RPRD2: variants seen among roughly 807,000 people sequenced by gnomAD.
RPRD2 encodes the protein regulation of nuclear pre-mRNA domain-containing protein 2.
RPRD2 carries 12 observed loss-of-function variants against 104.4 expected under a neutral mutation model. The ratio of observed to expected loss-of-function variants is 0.11; its 90% CI spans 0.07 to 0.19. RPRD2 has a LOEUF of 0.19. Among genes scored for constraint, RPRD2 ranks in the 10% least tolerant of loss-of-function variants. The probability of loss-of-function intolerance (pLI) is 1.00; values close to 1 mark genes in which losing one functional copy is unlikely to be tolerated. For synonymous variants in RPRD2, 714 were observed against 684.9 expected (o/e 1.04, Z -0.66); for missense variants, 1,543 against 1,790.1 (o/e 0.86, Z 2.49).
At chr1:150,428,156 G>T (rs1383384667) in intron 2 of RPRD2, among the ~76,000 whole-genome samples, 1 of 151,966 alleles carries the variant, frequency 6.6e-6, no homozygotes, top group Non-Finnish European at 1.5e-5. Context: ...GCAAATTTTT[G>T]AATTTTTAGA....
In RPRD2 at chr1:150,471,282, C is replaced by T; in HGVS notation, c.2334C>T (p.Tyr778=). ...CACCCCCTGGGAGAGATGAAAGCTACCCCCGAGAGCTCTCCAATTCTGTAT... is the reference window on the plus strand; with the variant it reads ...CACCCCCTGGGAGAGATGAAAGCTATCCCCGAGAGCTCTCCAATTCTGTAT... ...RSPPPGRDES[Y]PRELSNSVST... The change falls in exon 11 of 11, where the codon TAC becomes TAT. Residue 778 remains tyrosine (Y), a synonymous_variant. Coordinates refer to ENST00000369068, the MANE Select transcript of RPRD2 (RefSeq NM_015203.5). The surrounding 1 kb of genome is among the most constrained non-coding windows in gnomAD (Gnocchi z 5.3). The T allele has an allele frequency of 6.2e-7, 1 of 1,613,822 alleles. No homozygotes were observed. The highest frequency in any genetic ancestry group is 8.5e-7 in the Non-Finnish European group (1 of 1,179,866).
chr1:150,464,379 TGTACATG>T, intron 9 of RPRD2, 141 bp from the exon 10 acceptor site: 4 of 453,360 alleles, frequency 8.8e-6, no homozygotes, highest in Admixed American at 4.2e-5. Flanking sequence ...TTTTTTTTTT[TGTACATG>T]TCATGTTATG....
At chr1:150,399,756 C>CAA (rs35551359) in intron 1 of RPRD2, among the ~76,000 whole-genome samples, 68 of 126,978 alleles carry the variant, frequency 5.4e-4, no homozygotes, top group East Asian at 3.2e-3. Flanking sequence ...GACCCCATCT[C>CAA]AAAAAAAAAA....
chr1:150,448,180 T>C lies in RPRD2; in HGVS notation c.870+1779T>C, dbSNP rs587728906. On this transcript the variant is annotated intron_variant, in intron 7 of 10. Coordinates refer to ENST00000369068, the MANE Select transcript of RPRD2 (RefSeq NM_015203.5). Reference sequence around the variant, plus strand: ...ATTTACTTTTTGTTGTTGTTGTCTTTTTTTTGAGATGGAGTCTCGCTTTGT... The same window carrying C: ...ATTTACTTTTTGTTGTTGTTGTCTTCTTTTTGAGATGGAGTCTCGCTTTGT... Among the ~76,000 whole-genome samples the C allele has an allele frequency of 3.5e-3, 534 of 152,316 alleles. 3 individuals carry two copies. The highest frequency in any genetic ancestry group is 5.0e-3 in the South Asian group (24 of 4,828).
Position 150,364,891 on chromosome 1 carries a change from C to G in RPRD2, c.177C>G (p.Val59=). ...ACAAAAAACACCACAGTACTATCGT[C>G]TATCATTGGATGAAGTGGCTCCGGA... The part of the protein sequence containing the change: ...IENKKHHSTI[V]YHWMKWLRRS... Residue 59 remains valine, a synonymous_variant, in exon 1 of 11, where the codon GTC becomes GTG. Coordinates refer to ENST00000369068, the MANE Select transcript of RPRD2 (RefSeq NM_015203.5). The G allele has an allele frequency of 6.2e-7, 1 of 1,613,978 alleles. No homozygotes were observed. The highest frequency in any genetic ancestry group is 1.1e-5 in the South Asian group (1 of 91,076).
chr1:150,465,841 C>T (rs1367373403), intron 10 of RPRD2, among the ~76,000 whole-genome samples: 1 of 147,244 alleles, frequency 6.8e-6, no homozygotes, highest in Non-Finnish European at 1.5e-5. Flanking sequence ...GGCAGATCAC[C>T]TAAGGTCAGC....
intron 2 of RPRD2, among the ~76,000 whole-genome samples, chr1:150,439,133 G>A (rs1277094031): frequency 1.3e-5 from 2 of 152,062 alleles, no homozygotes; most frequent in South Asian, 2.1e-4. Context: ...ACACCCGGCC[G>A]TATCTAAACA....
chr1:150,393,744 C>A (rs1320350561), intron 1 of RPRD2, among the ~76,000 whole-genome samples: 1 of 151,950 alleles, frequency 6.6e-6, no homozygotes, highest in Non-Finnish European at 1.5e-5. Flanking sequence ...AAATGTTTAA[C>A]CTGAACCTAC....
In RPRD2 at chr1:150,470,638, T is replaced by G; in HGVS notation, c.1690T>G (p.Ser564Ala). The G allele has an allele frequency of 6.2e-7, 1 of 1,613,958 alleles. No homozygotes were observed. The change falls in exon 11 of 11, where the codon TCC becomes GCC. Residue 564 changes from serine to alanine, a missense_variant. This residue lies in a region of RPRD2 where 572 missense variants were observed against 787.3 expected (regional missense o/e 0.73). Transcript: ENST00000369068. ...SEAASQSTSA[S>A]PANTTVSTIK... ...AGCTGCCTCACAGAGCACTTCAGCC[T>G]CCCCTGCCAACACCACAGTCTCTAC... is the stretch of plus-strand genomic sequence containing the variant.
chr1:150,432,905 AG>A, intron 2 of RPRD2, among the ~76,000 whole-genome samples: 1 of 151,968 alleles, frequency 6.6e-6, no homozygotes, highest in Non-Finnish European at 1.5e-5. Flanking sequence ...TAAGCCTGGG[AG>A]ATTAAGGCTG....
chr1:150,372,485 A>G (rs72696844), intron 1 of RPRD2, among the ~76,000 whole-genome samples: 33,407 of 147,804 alleles, frequency 0.23, 4,150 homozygotes, highest in African/African-American at 0.32. Flanking sequence ...GTCTGAAAAA[A>G]GAAACACACA....
intron 7 of RPRD2, 123 bp downstream of exon 7, chr1:150,446,524 C>T (rs1666782489): frequency 1.2e-6 from 1 of 863,472 alleles, no homozygotes; most frequent in Non-Finnish European, 1.7e-6. Flanking sequence ...GATGAAATTA[C>T]TTTTGGGATA....
In RPRD2 at chr1:150,476,414, G is replaced by A. The variant is rs1299336872; in HGVS notation, c.*3080G>A. The A allele has an allele frequency of 6.6e-6, 1 of 152,036 alleles. No homozygotes were observed. The highest frequency in any genetic ancestry group is 6.6e-5 in the Admixed American group (1 of 15,266). The allele number at this position is 152,036 out of a possible 1,614,324, so 9.4% of individuals were successfully genotyped here. A position where few individuals can be genotyped will look rare whatever the true frequency, so the allele number is the denominator to read the frequency against. ...CCCACTATTTTTTTTAAGTGGGCGGGGGCGCCTGTTAAGATCTAAAATAGA... is the reference window on the plus strand; with the variant it reads ...CCCACTATTTTTTTTAAGTGGGCGGAGGCGCCTGTTAAGATCTAAAATAGA... On this transcript the variant is annotated 3_prime_UTR_variant, in exon 11 of 11. Coordinates refer to ENST00000369068, the MANE Select transcript of RPRD2 (RefSeq NM_015203.5).
chr1:150,432,175 TAAA>T (rs59749202), intron 2 of RPRD2, among the ~76,000 whole-genome samples: 9 of 131,192 alleles, frequency 6.9e-5, no homozygotes, highest in African/African-American at 8.6e-5. Context: ...CCCTAAATCT[TAAA>T]AAAAAAAAAA....
chr1:150,443,761 T>C (rs894252130), intron 5 of RPRD2, among the ~76,000 whole-genome samples: 6 of 151,938 alleles, frequency 3.9e-5, no homozygotes, highest in African/African-American at 1.5e-4. Context: ...ATCCCAGCAC[T>C]TTGGGAGGCC....
intron 1 of RPRD2, among the ~76,000 whole-genome samples, chr1:150,377,603 A>AG (rs1660814836): frequency 1.3e-5 from 2 of 152,054 alleles, no homozygotes; most frequent in African/African-American, 4.8e-5. Flanking sequence ...GTCTCAAAAA[A>AG]AAAAAAAAAA....
chr1:150,375,618 G>T (rs1237418769), intron 1 of RPRD2, among the ~76,000 whole-genome samples: 1 of 152,106 alleles, frequency 6.6e-6, no homozygotes, highest in Non-Finnish European at 1.5e-5. Flanking sequence ...TTGGCTTCCT[G>T]CCTTTCTTAA....
chr1:150,410,420 A>G (rs1663810772), intron 1 of RPRD2, among the ~76,000 whole-genome samples: 1 of 152,164 alleles, frequency 6.6e-6, no homozygotes, highest in Non-Finnish European at 1.5e-5. Context: ...CAAGCAAAAG[A>G]TGATAGTGAC....
intron 2 of RPRD2, among the ~76,000 whole-genome samples, chr1:150,422,174 T>TACAC (rs35584289): frequency 4.1e-5 from 6 of 147,104 alleles, no homozygotes; most frequent in Non-Finnish European, 7.5e-5. Context: ...AAAACACACA[T>TACAC]ACACACACAC....
Sources: allele counts gnomAD v4.1 joint callset (sites outside exome capture counted in the v4.1 genomes callset), GRCh38; gene constraint gnomAD v4.1.1; regional missense constraint gnomAD v4.1.1; non-coding constraint Gnocchi (gnomAD v3.1); transcripts MANE v1.5; gene names NCBI Gene and HGNC (gene_info 2026-07-23, HGNC 2026-07-21).